The following CNTNAP4 variants were observed in gnomAD, a reference collection of about 807,000 sequenced individuals.
CNTNAP4 encodes contactin associated protein family member 4, also known as contactin-associated protein-like 4.
In CNTNAP4, 98 loss-of-function variants were observed where a neutral mutation model predicts 148.4. That is an observed-to-expected ratio of 0.66 (90% CI 0.56 to 0.78). The LOEUF (loss-of-function observed/expected upper bound fraction) is 0.78. CNTNAP4 is among the 30% of genes least tolerant of loss of function. CNTNAP4 has a pLI of 0.00. For missense variants in CNTNAP4, 1,935 were observed against 1,565.6 expected (o/e 1.24, Z -3.98); for synonymous variants, 730 against 565.1 (o/e 1.29, Z -4.14).
chr16:76,345,826 G>A (rs1440276517), intron 2 of CNTNAP4, among the ~76,000 whole-genome samples: 1 of 152,182 alleles, frequency 6.6e-6, no homozygotes, highest in African/African-American at 2.4e-5. Flanking sequence ...AGTAAATGCT[G>A]TATGAAAAGG....
chr16:76,380,111 T>C (rs1186779264), intron 3 of CNTNAP4, among the ~76,000 whole-genome samples: 12 of 152,358 alleles, frequency 7.9e-5, no homozygotes, highest in Admixed American at 7.8e-4. Context: ...TTTCAAGATA[T>C]TAGAGTTCAA....
At chr16:76,367,644 C>A (rs1256654211) in intron 3 of CNTNAP4, among the ~76,000 whole-genome samples, 1 of 152,178 alleles carries the variant, frequency 6.6e-6, no homozygotes, top group East Asian at 1.9e-4. Flanking sequence ...AACCACACAG[C>A]ATGCACAGCA....
chr16:76,509,251 G>A (rs1349604428), intron 15 of CNTNAP4, among the ~76,000 whole-genome samples: 1 of 95,964 alleles, frequency 1.0e-5, no homozygotes, highest in African/African-American at 2.6e-5. Flanking sequence ...GTTGAGGACC[G>A]TCCTGTGCAT....
At chr16:76,291,701 G>T (rs1166728207) in intron 1 of CNTNAP4, among the ~76,000 whole-genome samples, 1 of 152,164 alleles carries the variant, frequency 6.6e-6, no homozygotes, top group African/African-American at 2.4e-5. Context: ...TCTATGCTTA[G>T]TCAAAAACAA....
intron 3 of CNTNAP4, among the ~76,000 whole-genome samples, chr16:76,381,134 C>G (rs373529237): frequency 2.0e-5 from 3 of 152,272 alleles, no homozygotes; most frequent in East Asian, 3.9e-4. Flanking sequence ...CTATCTTCCT[C>G]TAGATAGATT....
At chr16:76,502,481 A>C (rs1244555471) in intron 15 of CNTNAP4, among the ~76,000 whole-genome samples, 2 of 151,980 alleles carry the variant, frequency 1.3e-5, no homozygotes, top group Non-Finnish European at 2.9e-5. Context: ...CTGCATGGAC[A>C]TTACTTTGAA....
intron 9 of CNTNAP4, among the ~76,000 whole-genome samples, chr16:76,462,997 A>T (rs1264713918): frequency 6.6e-6 from 1 of 152,230 alleles, no homozygotes; most frequent in Non-Finnish European, 1.5e-5. Flanking sequence ...CAGTCCATGA[A>T]TCAGTTTATA....
intron 2 of CNTNAP4, among the ~76,000 whole-genome samples, chr16:76,328,291 G>T (rs1412102514): frequency 1.3e-5 from 2 of 152,066 alleles, no homozygotes; most frequent in African/African-American, 2.4e-5. Flanking sequence ...TACCTCTGTG[G>T]TCCTGCTCTC....
intron 2 of CNTNAP4, among the ~76,000 whole-genome samples, chr16:76,349,230 T>G (rs1965171539): frequency 6.6e-6 from 1 of 152,148 alleles, no homozygotes; most frequent in Admixed American, 6.6e-5. Flanking sequence ...GCCTGTATCT[T>G]ATCTTCTCAG....
At chr16:76,379,263 C>A (rs1239397555) in intron 3 of CNTNAP4, among the ~76,000 whole-genome samples, 1 of 152,106 alleles carries the variant, frequency 6.6e-6, no homozygotes, top group Admixed American at 6.5e-5. Context: ...GCTATAGAAG[C>A]ATGTCAGGGA....
chr16:76,464,393 C>T (rs760273713), intron 9 of CNTNAP4, among the ~76,000 whole-genome samples: 52 of 152,156 alleles, frequency 3.4e-4, no homozygotes, highest in Non-Finnish European at 6.8e-4. Flanking sequence ...CTCTTGCCAA[C>T]TTTAGCTGAA....
chr16:76,389,410 C>A (rs1210135649), intron 3 of CNTNAP4, among the ~76,000 whole-genome samples: 1 of 152,120 alleles, frequency 6.6e-6, no homozygotes, highest in Non-Finnish European at 1.5e-5. Context: ...TTCTTCCACT[C>A]AGCGCTTTGA....
chr16:76,309,471 C>G (rs971115812), intron 1 of CNTNAP4, among the ~76,000 whole-genome samples: 67 of 152,128 alleles, frequency 4.4e-4, no homozygotes, highest in African/African-American at 1.4e-3. Context: ...TGTAGGCAGG[C>G]TGACCAGAAG....
At chr16:76,496,085 T>TTGTGTGTGTGTGTG (rs5817999) in intron 14 of CNTNAP4, among the ~76,000 whole-genome samples, 2,361 of 140,134 alleles carry the variant, frequency 0.017, 49 homozygotes, top group African/African-American at 0.054. Flanking sequence ...CAAGATTATG[T>TTGTGTGTGTGTGTG]TGTGTGTGTG....
chr16:76,379,860 A>T (rs9937490), intron 3 of CNTNAP4, among the ~76,000 whole-genome samples: 1 of 151,976 alleles, frequency 6.6e-6, no homozygotes, highest in Non-Finnish European at 1.5e-5. Context: ...TGGGTTAATG[A>T]TATGTGAAGG....
chr16:76,373,779 C>T (rs2015113599), intron 3 of CNTNAP4, among the ~76,000 whole-genome samples: 1 of 151,604 alleles, frequency 6.6e-6, no homozygotes, highest in Non-Finnish European at 1.5e-5. Flanking sequence ...CCTGTAATCC[C>T]AGCTACTTGG....
chr16:76,422,083 CAA>C (rs1189490599), intron 3 of CNTNAP4, among the ~76,000 whole-genome samples: 9 of 152,268 alleles, frequency 5.9e-5, no homozygotes, highest in Middle Eastern at 3.4e-3. Context: ...TGGAAATACT[CAA>C]AATCCTGTGA....
intron 2 of CNTNAP4, among the ~76,000 whole-genome samples, chr16:76,337,101 A>G (rs1597238074): frequency 6.6e-6 from 1 of 152,304 alleles, no homozygotes; most frequent in East Asian, 1.9e-4. Flanking sequence ...TGATCTTAAA[A>G]TATTATTTAT....
At chr16:76,372,400 G>A (rs754690680) in intron 3 of CNTNAP4, among the ~76,000 whole-genome samples, 36 of 151,238 alleles carry the variant, frequency 2.4e-4, no homozygotes, top group South Asian at 6.3e-4. Flanking sequence ...TGCCCGCCTC[G>A]GCCTCCCAAA....
Sources: gnomAD v4.1 joint callset for allele counts (sites outside exome capture counted in the v4.1 genomes callset) on GRCh38, gnomAD v4.1.1 for gene constraint, MANE v1.5 for transcripts, NCBI Gene and HGNC (gene_info 2026-07-23, HGNC 2026-07-21) for gene names.